Variants in NR6A1 observed in about 807,000 individuals in gnomAD.
The protein encoded by NR6A1 is retinoic acid receptor-related testis-associated receptor.
NR6A1 carries 7 observed loss-of-function variants against 59.1 expected under a neutral mutation model. The observed-to-expected ratio is 0.12, with a 90% CI of 0.07 to 0.22. The LOEUF (loss-of-function observed/expected upper bound fraction) is 0.22, where lower values mean the gene tolerates loss of function less well. NR6A1 is among the 10% of genes least tolerant of loss of function. The pLI is 1.00. For synonymous variants in NR6A1, 243 were observed against 236.1 expected (o/e 1.03, Z -0.27); for missense variants, 468 against 611.6 (o/e 0.77, Z 2.48).
intron 2 of NR6A1, among the ~76,000 whole-genome samples, chr9:124,565,324 G>A (rs1834208094): frequency 6.6e-6 from 1 of 152,268 alleles, no homozygotes; most frequent in Admixed American, 6.5e-5. Flanking sequence ...ATACCCAGGA[G>A]GCTGAGGCAT....
At chr9:124,722,968 A>G (rs910906442) in intron 2 of NR6A1, among the ~76,000 whole-genome samples, 1 of 152,154 alleles carries the variant, frequency 6.6e-6, no homozygotes, top group Non-Finnish European at 1.5e-5. Context: ...CTAGGATTAC[A>G]GGTGTGACCC....
At chr9:124,698,026 G>C (rs780786651) in intron 2 of NR6A1, among the ~76,000 whole-genome samples, 25 of 152,124 alleles carry the variant, frequency 1.6e-4, no homozygotes, top group Non-Finnish European at 3.4e-4. Context: ...AAGCATGACT[G>C]GCTGATAGGA....
intron 2 of NR6A1, among the ~76,000 whole-genome samples, chr9:124,634,592 C>A (rs1020429235): frequency 2.0e-5 from 3 of 152,108 alleles, no homozygotes; most frequent in Admixed American, 6.6e-5. Flanking sequence ...GAGGCCAAGG[C>A]AGGTGGATCA....
At chr9:124,558,868 C>A (rs774692568) in intron 2 of NR6A1, among the ~76,000 whole-genome samples, 1 of 152,132 alleles carries the variant, frequency 6.6e-6, no homozygotes, top group Non-Finnish European at 1.5e-5. Flanking sequence ...AAAGCCAGGG[C>A]CCCCCTTTGT....
At chr9:124,701,992 T>C (rs1308588421) in intron 2 of NR6A1, among the ~76,000 whole-genome samples, 1 of 152,234 alleles carries the variant, frequency 6.6e-6, no homozygotes, top group Non-Finnish European at 1.5e-5. Context: ...CCCAAAGTGC[T>C]AGGATTACAG....
rs1307172714 is a variant in NR6A1 at position 124,526,952 on chromosome 9, A to G, written c.1080-52T>C. On this transcript the variant is annotated intron_variant, in intron 7 of 9. Transcript: ENST00000487099. ...GTTGGCTGTGACACCAGTAGGGGCC[A>G]GGAAAGGGCAGCCAGAGAGCTCCTA... 8 of 1,607,026 alleles carry G rather than the reference A, an allele frequency of 5.0e-6. No homozygotes were observed. In the African/African-American group the frequency reaches 9.3e-5, roughly 19 times the overall value.
chr9:124,707,376 TA>T (rs1311898282), intron 2 of NR6A1, among the ~76,000 whole-genome samples: 1 of 152,178 alleles, frequency 6.6e-6, no homozygotes, highest in African/African-American at 2.4e-5. Context: ...CTCTATGTAC[TA>T]GATCACTGTC....
chr9:124,690,025 A>G (rs1838475174), intron 2 of NR6A1, among the ~76,000 whole-genome samples: 1 of 152,212 alleles, frequency 6.6e-6, no homozygotes, highest in South Asian at 2.1e-4. Context: ...AAACTAGCAC[A>G]GTTTGGCAAA....
chr9:124,696,410 T>C (rs1029606861), intron 2 of NR6A1, among the ~76,000 whole-genome samples: 12 of 152,122 alleles, frequency 7.9e-5, no homozygotes, highest in African/African-American at 2.4e-4. Flanking sequence ...GCTGACCCCC[T>C]TCCATCATCC....
At chr9:124,596,957 C>T (rs1835290143) in intron 2 of NR6A1, among the ~76,000 whole-genome samples, 1 of 152,194 alleles carries the variant, frequency 6.6e-6, no homozygotes, top group Admixed American at 6.5e-5. Context: ...TGAAATCTCC[C>T]CTGCCAATTT....
intron 1 of NR6A1, among the ~76,000 whole-genome samples, chr9:124,757,528 AGGATTATAGGTT>A (rs1412426528): frequency 6.7e-6 from 1 of 150,352 alleles, no homozygotes; most frequent in African/African-American, 2.4e-5. Flanking sequence ...GCTTAGTGGT[AGGATTATAGGTT>A]ATTTTCCCTT....
chr9:124,598,378 A>G (rs1387868777), intron 2 of NR6A1, among the ~76,000 whole-genome samples: 1 of 151,828 alleles, frequency 6.6e-6, no homozygotes, highest in Non-Finnish European at 1.5e-5. Flanking sequence ...AGAAGAAGAA[A>G]AATCATTTAA....
chr9:124,749,637 C>A (rs1459396672), intron 1 of NR6A1, among the ~76,000 whole-genome samples: 1 of 152,080 alleles, frequency 6.6e-6, no homozygotes, highest in Non-Finnish European at 1.5e-5. Context: ...TCATAATGCA[C>A]TCCAGCCTCG....
chr9:124,765,054 T>C (rs1232952174), intron 1 of NR6A1, among the ~76,000 whole-genome samples: 1 of 152,216 alleles, frequency 6.6e-6, no homozygotes, highest in African/African-American at 2.4e-5. Flanking sequence ...TTGAAGGGTG[T>C]AGAGTTTACA....
chr9:124,652,902 A>G (rs1217536556), intron 2 of NR6A1, among the ~76,000 whole-genome samples: 2 of 152,246 alleles, frequency 1.3e-5, no homozygotes, highest in East Asian at 3.8e-4. Context: ...ATTCTGCCCC[A>G]GAGAGGGACC....
intron 2 of NR6A1, among the ~76,000 whole-genome samples, chr9:124,632,488 C>T (rs755545175): frequency 5.2e-4 from 79 of 152,148 alleles, no homozygotes; most frequent in Non-Finnish European, 1.0e-3. Context: ...TGTTCCTGTC[C>T]TTTGTCCACT....
chr9:124,667,792 C>T (rs1302220082), intron 2 of NR6A1, among the ~76,000 whole-genome samples: 1 of 152,154 alleles, frequency 6.6e-6, no homozygotes, highest in African/African-American at 2.4e-5. Flanking sequence ...AAATAACTTA[C>T]TTTTTCATCT....
At chr9:124,665,503 T>C (rs1837585562) in intron 2 of NR6A1, among the ~76,000 whole-genome samples, 1 of 152,220 alleles carries the variant, frequency 6.6e-6, no homozygotes, top group Non-Finnish European at 1.5e-5. Flanking sequence ...CTGAGTCACC[T>C]TTTAATAGAT....
intron 1 of NR6A1, among the ~76,000 whole-genome samples, chr9:124,747,518 G>C (rs144718793): frequency 2.0e-5 from 3 of 152,142 alleles, no homozygotes; most frequent in African/African-American, 7.2e-5. Context: ...AATTCTGGAT[G>C]AGACTCTTCT....
Sources: gnomAD v4.1 joint callset for allele counts (sites outside exome capture counted in the v4.1 genomes callset) on GRCh38, gnomAD v4.1.1 for gene constraint, MANE v1.5 for transcripts, NCBI Gene and HGNC (gene_info 2026-07-23, HGNC 2026-07-21) for gene names.